C12orf42: variants seen among roughly 807,000 people sequenced by gnomAD.
C12orf42 encodes uncharacterized protein C12orf42.
A neutral mutation model predicts 21.6 loss-of-function variants in C12orf42; 25 were observed. That is an observed-to-expected ratio of 1.16 (90% CI 0.84 to 1.62). C12orf42 has a LOEUF of 1.62. Ranked by LOEUF, C12orf42 falls within the 40% of genes most tolerant of loss-of-function variation. The pLI is 0.00. For missense variants in C12orf42, 483 were observed against 459.3 expected, an observed-to-expected ratio of 1.05 and a Z score of -0.47; for synonymous variants, 174 against 175.0, an observed-to-expected ratio of 0.99 and a Z score of 0.05.
chr12:103,430,374 A>G (rs1413480833), intron 2 of C12orf42, among the ~76,000 whole-genome samples: 1 of 152,232 alleles, frequency 6.6e-6, no homozygotes, highest in African/African-American at 2.4e-5. Context: ...GCTCATCATC[A>G]TTGGTCATTA....
chr12:103,198,286 T>C, the C12orf42 span, among the ~76,000 whole-genome samples: 1 of 152,168 alleles, frequency 6.6e-6, no homozygotes, highest in Admixed American at 6.5e-5. Flanking sequence ...ATAGGTGACC[T>C]CTGCCAGAGA....
At chr12:103,226,758 G>T in the C12orf42 span, among the ~76,000 whole-genome samples, 1 of 152,138 alleles carries the variant, frequency 6.6e-6, no homozygotes, top group African/African-American at 2.4e-5. Context: ...GGAGAGGTCA[G>T]ATGGGTCTGT....
chr12:103,534,785 G>A, the C12orf42 span, among the ~76,000 whole-genome samples: 1 of 152,150 alleles, frequency 6.6e-6, no homozygotes, highest in Non-Finnish European at 1.5e-5. Flanking sequence ...AGAAATGTTT[G>A]TATAGCCAAC....
At chr12:103,223,338 A>G in the C12orf42 span, among the ~76,000 whole-genome samples, 17 of 152,258 alleles carry the variant, frequency 1.1e-4, no homozygotes, top group Admixed American at 3.3e-4. Flanking sequence ...GGATGTTAGA[A>G]GAAACATTTG....
chr12:103,102,936 G>A, the C12orf42 span, among the ~76,000 whole-genome samples: 1 of 152,036 alleles, frequency 6.6e-6, no homozygotes, highest in Admixed American at 6.6e-5. Context: ...GCCATCAACT[G>A]GAGACCACTC....
the C12orf42 span, among the ~76,000 whole-genome samples, chr12:103,171,762 C>G: frequency 6.6e-6 from 1 of 152,008 alleles, no homozygotes; most frequent in African/African-American, 2.4e-5. Context: ...CCACCTACGC[C>G]TAGGTTTGGG....
At chr12:103,438,499 T>G (rs1230442812) in intron 2 of C12orf42, among the ~76,000 whole-genome samples, 2 of 152,078 alleles carry the variant, frequency 1.3e-5, no homozygotes, top group Non-Finnish European at 2.9e-5. Flanking sequence ...ATTGTGTATC[T>G]GGAAAACCTC....
intron 3 of C12orf42, among the ~76,000 whole-genome samples, chr12:103,399,555 A>AAAGCAGCACCCTCCTCCTACCC (rs2138650977): frequency 6.6e-6 from 1 of 151,586 alleles, no homozygotes; most frequent in South Asian, 2.1e-4. Flanking sequence ...TACCCTAACA[A>AAAGCAGCACCCTCCTCCTACCC]AAGCAGCACC....
At chr12:103,269,501 A>G (rs1156875120) in intron 6 of C12orf42, among the ~76,000 whole-genome samples, 3 of 152,158 alleles carry the variant, frequency 2.0e-5, no homozygotes, top group Admixed American at 2.0e-4. Context: ...TTTCATTAAT[A>G]TCCCCTGCCT....
At chr12:103,488,165 T>C (rs1181849214) in intron 1 of C12orf42, among the ~76,000 whole-genome samples, 3 of 152,230 alleles carry the variant, frequency 2.0e-5, no homozygotes, top group Non-Finnish European at 2.9e-5. Context: ...TGATAAAATC[T>C]CTCAGCATTT....
chr12:103,210,589 C>T, the C12orf42 span, among the ~76,000 whole-genome samples: 1 of 142,844 alleles, frequency 7.0e-6, no homozygotes, highest in African/African-American at 2.6e-5. Context: ...GAACACTGTT[C>T]TTCTGCTACC....
At chr12:103,304,540 A>G (rs2038076779) in intron 5 of C12orf42, among the ~76,000 whole-genome samples, 1 of 152,220 alleles carries the variant, frequency 6.6e-6, no homozygotes, top group Non-Finnish European at 1.5e-5. Flanking sequence ...CATCAAGTAC[A>G]TGGCAAGTGC....
chr12:103,423,498 C>T (rs1397912704), intron 2 of C12orf42, among the ~76,000 whole-genome samples: 1 of 152,198 alleles, frequency 6.6e-6, no homozygotes, highest in Non-Finnish European at 1.5e-5. Context: ...CTCCCCACCC[C>T]ATCCCCTACT....
chr12:103,514,164 A>G, the C12orf42 span, among the ~76,000 whole-genome samples: 1 of 152,206 alleles, frequency 6.6e-6, no homozygotes, highest in Non-Finnish European at 1.5e-5. Flanking sequence ...TAAAACCATC[A>G]GATCTCATGA....
At position 103,372,273 on chromosome 12, in the gene C12orf42, T is replaced by C. The variant is rs137998616; in HGVS notation, c.148-3275A>G. Reference sequence around the variant, plus strand: ...TCTTTCTAAATCCCAAGTTTAAATATGGCACTGGCCTTCTTAATAGTGTTC... The same window carrying C: ...TCTTTCTAAATCCCAAGTTTAAATACGGCACTGGCCTTCTTAATAGTGTTC... On this transcript the variant is annotated intron_variant, in intron 3 of 5. Coordinates refer to ENST00000548883, the MANE Select transcript of C12orf42 (RefSeq NM_198521.5). Among the ~76,000 whole-genome samples the C allele has an allele frequency of 5.7e-3, 873 of 152,254 alleles. 5 individuals carry two copies. The highest frequency in any genetic ancestry group is 0.018 in the African/African-American group (751 of 41,554).
At chr12:103,270,489 A>C (rs180992657) in intron 5 of C12orf42, among the ~76,000 whole-genome samples, 19 of 151,866 alleles carry the variant, frequency 1.3e-4, no homozygotes, top group Non-Finnish European at 1.8e-4. Context: ...CATTTTTATT[A>C]TTGATTTTTT....
intron 4 of C12orf42, among the ~76,000 whole-genome samples, chr12:103,348,581 G>A (rs1402121780): frequency 1.3e-5 from 2 of 152,084 alleles, no homozygotes; most frequent in Non-Finnish European, 2.9e-5. Context: ...AAGCATAATA[G>A]GTACTTTTCC....
the C12orf42 span, among the ~76,000 whole-genome samples, chr12:103,213,803 C>T: frequency 0.019 from 2,904 of 152,220 alleles, 35 homozygotes; most frequent in East Asian, 0.028. Context: ...ACTATGAGTC[C>T]CCCAGCTGTC....
At chr12:103,521,209 T>C in the C12orf42 span, among the ~76,000 whole-genome samples, 6 of 152,092 alleles carry the variant, frequency 3.9e-5, no homozygotes, top group African/African-American at 1.4e-4. Flanking sequence ...GAACCCAGAG[T>C]GGAATAGTCA....
Sources: allele counts gnomAD v4.1 joint callset (sites outside exome capture counted in the v4.1 genomes callset), GRCh38; gene constraint gnomAD v4.1.1; transcripts MANE v1.5; gene names NCBI Gene and HGNC (gene_info 2026-07-23, HGNC 2026-07-21).